FUT9: variants seen among roughly 807,000 people sequenced by gnomAD.
FUT9 encodes the protein 4-galactosyl-N-acetylglucosaminide 3-alpha-L-fucosyltransferase 9.
A neutral mutation model predicts 29.7 loss-of-function variants in FUT9; 15 were observed. The ratio of observed to expected loss-of-function variants is 0.51; its 90% CI spans 0.34 to 0.78. The LOEUF is 0.78. FUT9 is among the 30% of genes least tolerant of loss of function. The pLI, the probability that FUT9 is intolerant of heterozygous loss-of-function variation, is 0.01. For missense variants in FUT9, 319 were observed against 425.4 expected, an observed-to-expected ratio of 0.75 and a Z score of 2.20; for synonymous variants, 169 against 153.7, an observed-to-expected ratio of 1.10 and a Z score of -0.74.
At position 96,031,081 on chromosome 6, in the gene FUT9, T is replaced by C. The variant is rs1467164807; in HGVS notation, c.-98+14869T>C. ...AAAAGATTAATAATCTGTTTGCAAA[T>C]CATATTTCAGTAAACCTGATTTTTA... On this transcript the variant is annotated intron_variant, in intron 1 of 2. Transcript: ENST00000302103. Among the ~76,000 whole-genome samples the C allele has an allele frequency of 2.0e-5, 3 of 151,438 alleles. No homozygotes were observed. In the Admixed American group the frequency reaches 2.0e-4, roughly 10 times the overall value.
intron 2 of FUT9, among the ~76,000 whole-genome samples, chr6:96,134,445 T>C (rs1371023826): frequency 6.6e-6 from 1 of 151,864 alleles, no homozygotes; most frequent in Non-Finnish European, 1.5e-5. Flanking sequence ...TTCAGGAACA[T>C]TTATCTAATA....
At position 96,207,331 on chromosome 6, in the gene FUT9, A is replaced by C. The variant is rs1460763999; in HGVS notation, c.*3096A>C. ...TCCCACTTTCTTTTCAATCGCATTC[A>C]TAACTTATTATAGAATTATGTCTCA... On this transcript the variant is annotated 3_prime_UTR_variant, in exon 3 of 3. Coordinates refer to ENST00000302103, the MANE Select transcript of FUT9 (RefSeq NM_006581.4). 1 of 167,032 alleles carries C rather than the reference A, an allele frequency of 6.0e-6. No individual in the cohort carries two copies. Among genetic ancestry groups the C allele is most frequent in the Non-Finnish European group, 1.5e-5 (1 of 68,086 alleles). 10.3% of individuals were successfully genotyped at this position (167,032 alleles called of 1,614,324 possible). A position where few individuals can be genotyped will look rare whatever the true frequency, so the allele number is the denominator to read the frequency against.
chr6:96,024,851 T>G (rs537696122), intron 1 of FUT9, among the ~76,000 whole-genome samples: 9 of 151,908 alleles, frequency 5.9e-5, no homozygotes, highest in African/African-American at 1.9e-4. Flanking sequence ...AGTCAATGCC[T>G]CATCTGTGGT....
At chr6:96,072,178 G>A (rs1011843039) in intron 1 of FUT9, among the ~76,000 whole-genome samples, 9 of 152,188 alleles carry the variant, frequency 5.9e-5, no homozygotes, top group Admixed American at 5.2e-4. Context: ...ACTTGCTGAG[G>A]TCATATAGCT....
chr6:96,133,105 G>A (rs1772277872), intron 2 of FUT9, among the ~76,000 whole-genome samples: 1 of 151,708 alleles, frequency 6.6e-6, no homozygotes, highest in African/African-American at 2.4e-5. Flanking sequence ...CCTTTCCCTG[G>A]AGTCCCCAGG....
intron 2 of FUT9, among the ~76,000 whole-genome samples, chr6:96,184,493 G>C (rs1282862180): frequency 2.0e-5 from 3 of 151,586 alleles, no homozygotes; most frequent in Non-Finnish European, 2.9e-5. Flanking sequence ...CTTCTTCTGG[G>C]TTTGGGTTTG....
intron 2 of FUT9, among the ~76,000 whole-genome samples, chr6:96,139,872 G>A (rs946077684): frequency 1.3e-5 from 2 of 152,256 alleles, no homozygotes; most frequent in South Asian, 4.1e-4. Context: ...GGGGGCTGCT[G>A]TGAAGGTCTC....
chr6:96,019,734 A>G (rs1295611448), intron 1 of FUT9, among the ~76,000 whole-genome samples: 2 of 152,072 alleles, frequency 1.3e-5, no homozygotes. Context: ...AATTTTATTA[A>G]TTTAGCTGCA....
In FUT9 at chr6:96,026,795, A is replaced by T. The variant is rs563026368; in HGVS notation, c.-98+10583A>T. Among the ~76,000 whole-genome samples the T allele has an allele frequency of 7.9e-5, 12 of 151,708 alleles. No homozygotes were observed. In the South Asian group the frequency reaches 2.5e-3, roughly 31 times the overall value. ...ACACAATGGCAGGTTTATTTGTACC[A>T]TTTTATGCCTTTACAACATCATATT... On this transcript the variant is annotated intron_variant, in intron 1 of 2. Coordinates refer to ENST00000302103, the MANE Select transcript of FUT9 (RefSeq NM_006581.4).
chr6:96,074,665 A>G (rs767449598), intron 1 of FUT9, among the ~76,000 whole-genome samples: 13 of 152,232 alleles, frequency 8.5e-5, no homozygotes, highest in Admixed American at 5.2e-4. Context: ...ATATAACTAT[A>G]GTTTTTAGAA....
At chr6:96,119,209 C>T (rs1771973250) in intron 2 of FUT9, among the ~76,000 whole-genome samples, 1 of 152,182 alleles carries the variant, frequency 6.6e-6, no homozygotes, top group Non-Finnish European at 1.5e-5. Context: ...AACTTCCAGT[C>T]CTGCAAGCTC....
At chr6:96,098,011 C>A (rs1771529144) in intron 1 of FUT9, among the ~76,000 whole-genome samples, 1 of 151,952 alleles carries the variant, frequency 6.6e-6, no homozygotes, top group Non-Finnish European at 1.5e-5. Flanking sequence ...AAGAACTCTG[C>A]ACTTGAAGTA....
intron 2 of FUT9, among the ~76,000 whole-genome samples, chr6:96,148,924 G>A (rs1418952870): frequency 6.6e-6 from 1 of 152,092 alleles, no homozygotes; most frequent in Non-Finnish European, 1.5e-5. Flanking sequence ...GGAGGCAGAG[G>A]TGGGCAGATC....
At chr6:96,094,689 T>A (rs529773356) in intron 1 of FUT9, among the ~76,000 whole-genome samples, 1 of 152,212 alleles carries the variant, frequency 6.6e-6, no homozygotes, top group Non-Finnish European at 1.5e-5. Flanking sequence ...AAGAAATAGC[T>A]TTTTTATTGC....
At chr6:96,079,255 A>G (rs1221402207) in intron 1 of FUT9, among the ~76,000 whole-genome samples, 1 of 152,186 alleles carries the variant, frequency 6.6e-6, no homozygotes, top group Non-Finnish European at 1.5e-5. Flanking sequence ...TTAAATTTCC[A>G]CAACACTCAG....
intron 1 of FUT9, among the ~76,000 whole-genome samples, chr6:96,054,066 A>G (rs1401995352): frequency 6.6e-6 from 1 of 152,206 alleles, no homozygotes; most frequent in East Asian, 1.9e-4. Context: ...GTGGTGAGTG[A>G]GATGACAAGA....
At position 96,205,663 on chromosome 6, in the gene FUT9, T is replaced by C. The variant is rs1453028765; in HGVS notation, c.*1428T>C. 6.0e-6 allele frequency: 1 copy of C among 166,536 alleles called. No homozygotes were observed. Among genetic ancestry groups the C allele is most frequent in the Non-Finnish European group, 1.5e-5 (1 of 68,108 alleles). 10.3% of individuals were successfully genotyped at this position (166,536 alleles called of 1,614,324 possible). On this transcript the variant is annotated 3_prime_UTR_variant, in exon 3 of 3. Transcript: ENST00000302103. ...AAAAAAGATGGGCCATTAAGGATTCTTCAAGGAAAACATTCCTCAAAATGA... is the reference window on the plus strand; with the variant it reads ...AAAAAAGATGGGCCATTAAGGATTCCTCAAGGAAAACATTCCTCAAAATGA...
At chr6:96,136,014 G>A (rs144307347) in intron 2 of FUT9, among the ~76,000 whole-genome samples, 219 of 151,080 alleles carry the variant, frequency 1.4e-3, no homozygotes, top group Middle Eastern at 6.8e-3. Flanking sequence ...ACTTTTCTGA[G>A]ATGAAGGTAA....
intron 1 of FUT9, among the ~76,000 whole-genome samples, chr6:96,050,847 T>C (rs552663313): frequency 6.6e-6 from 1 of 152,326 alleles, no homozygotes; most frequent in East Asian, 1.9e-4. Context: ...CAATGCAGTT[T>C]ACTTAATTTA....
Sources: allele counts gnomAD v4.1 joint callset (sites outside exome capture counted in the v4.1 genomes callset), GRCh38; gene constraint gnomAD v4.1.1; transcripts MANE v1.5; gene names NCBI Gene and HGNC (gene_info 2026-07-23, HGNC 2026-07-21).